Variants in IL1RAP observed in about 807,000 individuals in gnomAD.
IL1RAP encodes interleukin 1 receptor accessory protein, also known as interleukin-1 receptor accessory protein.
In IL1RAP, 35 loss-of-function variants were observed where a neutral mutation model predicts 60.7. The observed-to-expected ratio is 0.58, with a 90% CI of 0.44 to 0.76. The LOEUF is 0.76. Ranked by LOEUF, IL1RAP falls within the 30% of genes least tolerant of loss-of-function variation. The pLI is 0.00. For missense variants in IL1RAP, 572 were observed against 693.9 expected (o/e 0.82, Z 1.97); for synonymous variants, 268 against 250.9 (o/e 1.07, Z -0.64).
intron 3 of IL1RAP, among the ~76,000 whole-genome samples, chr3:190,581,239 A>G (rs1301239373): frequency 6.6e-6 from 1 of 152,216 alleles, no homozygotes; most frequent in Non-Finnish European, 1.5e-5. Flanking sequence ...TGGTTTCCGT[A>G]TGACTCTCAG....
downstream of IL1RAP, chr3:190,655,786 C>T (rs1251797075): frequency 2.5e-6 from 2 of 816,064 alleles, no homozygotes; most frequent in African/African-American, 3.4e-5. Flanking sequence ...TCTGTCATCT[C>T]AAGTGTTTGT....
rs1347857907 is a variant in IL1RAP at position 190,542,343 on chromosome 3, C to T, written c.-88-13787C>T. Among the ~76,000 whole-genome samples, 8 of 152,138 alleles carry T rather than the reference C, an allele frequency of 5.3e-5. No individual in the cohort carries two copies. In the South Asian group the frequency reaches 6.2e-4, roughly 12 times the overall value. ...AAATGAAGCTTTGCTATTTGATTGT[C>T]GTGATAGCTTGAGTTAGACACTTCA... On this transcript the variant is annotated intron_variant, in intron 1 of 11. Coordinates refer to ENST00000447382, the MANE Select transcript of IL1RAP (RefSeq NM_002182.4).
At chr3:190,607,788 T>C (rs1730470084) in intron 4 of IL1RAP, among the ~76,000 whole-genome samples, 2 of 152,224 alleles carry the variant, frequency 1.3e-5, no homozygotes, top group South Asian at 4.1e-4. Flanking sequence ...TTGGAATGAT[T>C]GTACCACAGG....
chr3:190,565,981 C>G (rs1002965027), intron 3 of IL1RAP, among the ~76,000 whole-genome samples: 1 of 151,750 alleles, frequency 6.6e-6, no homozygotes, highest in Non-Finnish European at 1.5e-5. Flanking sequence ...CTCCCTCTTC[C>G]TCTTCTCTTG....
At position 190,651,196 on chromosome 3, in the gene IL1RAP, A is replaced by G. The variant is rs1283856066; in HGVS notation, c.*2491A>G. On this transcript the variant is annotated 3_prime_UTR_variant, in exon 12 of 12. Transcript: ENST00000447382. The stretch of plus-strand genomic sequence containing the variant: ...TTAAAAAAAATTAATGGTTTTAAAT[A>G]TATGCTATAGGGACGTTCCATGCCC... 2 of 981,580 alleles carry G rather than the reference A, an allele frequency of 2.0e-6. No homozygotes were observed. Among genetic ancestry groups the G allele is most frequent in the Non-Finnish European group, 2.4e-6 (2 of 826,576 alleles). The allele number at this position is 981,580 out of a possible 1,614,324, so 60.8% of individuals were successfully genotyped here. A position where few individuals can be genotyped will look rare whatever the true frequency, so the allele number is the denominator to read the frequency against.
chr3:190,612,772 GA>G (rs1461640099), intron 5 of IL1RAP, among the ~76,000 whole-genome samples: 3 of 152,088 alleles, frequency 2.0e-5, no homozygotes, highest in Non-Finnish European at 4.4e-5. Flanking sequence ...TCATAAAGTG[GA>G]AAAATCATAA....
chr3:190,634,719 G>GTTT (rs1733070414), intron 9 of IL1RAP, among the ~76,000 whole-genome samples: 1 of 128,442 alleles, frequency 7.8e-6, no homozygotes, highest in Admixed American at 7.8e-5. Flanking sequence ...TTTTTTTTTT[G>GTTT]TTGTTGTTTT....
intron 5 of IL1RAP, among the ~76,000 whole-genome samples, chr3:190,619,675 A>C (rs573647705): frequency 1.1e-4 from 16 of 151,952 alleles, no homozygotes; most frequent in African/African-American, 3.9e-4. Context: ...CAATGAGCTG[A>C]GATCACGCCA....
At chr3:190,586,129 C>G (rs1288498465) in intron 3 of IL1RAP, among the ~76,000 whole-genome samples, 2 of 152,184 alleles carry the variant, frequency 1.3e-5, no homozygotes, top group Admixed American at 1.3e-4. Context: ...TGTCACCCAT[C>G]TTGAAGTCCG....
At chr3:190,560,851 C>T (rs1056141858) in intron 2 of IL1RAP, among the ~76,000 whole-genome samples, 3 of 152,016 alleles carry the variant, frequency 2.0e-5, no homozygotes, top group Admixed American at 6.5e-5. Flanking sequence ...ACATTGTCGT[C>T]GATTACAGAG....
intron 3 of IL1RAP, among the ~76,000 whole-genome samples, chr3:190,587,449 C>T (rs1000342968): frequency 6.6e-6 from 1 of 152,136 alleles, no homozygotes; most frequent in African/African-American, 2.4e-5. Context: ...ACTGGTAGTT[C>T]CTATGGTGGT....
chr3:190,527,224 T>C (rs1722584326), intron 1 of IL1RAP, among the ~76,000 whole-genome samples: 1 of 152,220 alleles, frequency 6.6e-6, no homozygotes, highest in Admixed American at 6.5e-5. Flanking sequence ...TAGGACCTAA[T>C]ATTGATCCTG....
intron 3 of IL1RAP, among the ~76,000 whole-genome samples, chr3:190,574,266 T>A (rs959061559): frequency 1.3e-5 from 2 of 152,098 alleles, no homozygotes; most frequent in African/African-American, 4.8e-5. Flanking sequence ...TCCTGAAACA[T>A]ATACAGTACA....
Position 190,620,377 on chromosome 3 carries a change from G to C in IL1RAP, c.640G>C (p.Val214Leu). The stretch of plus-strand genomic sequence containing the variant: ...AAATAATGGAAATTACACATGTGTT[G>C]TTACATATCCAGAAAATGGACGTAC... ...ISNNGNYTCVVTYPENGRTFH... is the reference protein window; with the variant it reads ...ISNNGNYTCVLTYPENGRTFH... The change falls in exon 6 of 12, where the codon GTT (valine) becomes CTT (leucine). Residue 214 changes from valine (V) to leucine (L), a missense_variant. Coordinates refer to ENST00000447382, the MANE Select transcript of IL1RAP (RefSeq NM_002182.4). 2 of 1,612,312 alleles carry C rather than the reference G, an allele frequency of 1.2e-6. No homozygotes were observed. Among genetic ancestry groups the C allele is most frequent in the Non-Finnish European group, 1.7e-6 (2 of 1,179,318 alleles).
At chr3:190,524,518 G>A (rs1722344621) in intron 1 of IL1RAP, among the ~76,000 whole-genome samples, 1 of 152,156 alleles carries the variant, frequency 6.6e-6, no homozygotes, top group African/African-American at 2.4e-5. Flanking sequence ...ATGATGTAAG[G>A]AAGGGGTTCA....
chr3:190,638,987 T>C (rs1350544964), intron 9 of IL1RAP, among the ~76,000 whole-genome samples: 1 of 152,140 alleles, frequency 6.6e-6, no homozygotes, highest in Non-Finnish European at 1.5e-5. Context: ...GCTGCTGTTG[T>C]TCTTGTTTAT....
In IL1RAP at chr3:190,530,900, A is replaced by G. The variant is rs148130933; in HGVS notation, c.-89+16681A>G. 3.9e-5 allele frequency among the ~76,000 whole-genome samples: 6 copies of G among 152,266 alleles called. No individual in the cohort carries two copies. In the East Asian group the frequency reaches 9.6e-4, roughly 24 times the overall value. On this transcript the variant is annotated intron_variant, in intron 1 of 11. Transcript: ENST00000447382. ...CAAGGTCAGTTTTATCTGAATTATT[A>G]CAAGTGAAAAAACTGAAGCTCAGAG...
chr3:190,520,466 C>T (rs1329231216), intron 1 of IL1RAP: 1 of 152,104 alleles, frequency 6.6e-6, no homozygotes, highest in Non-Finnish European at 1.5e-5. Flanking sequence ...GATGGGAAAA[C>T]CCATTTCTGT....
intron 2 of IL1RAP, among the ~76,000 whole-genome samples, chr3:190,560,582 A>C (rs1349946543): frequency 6.6e-6 from 1 of 152,180 alleles, no homozygotes; most frequent in African/African-American, 2.4e-5. Context: ...CTGAGGGACA[A>C]ATCCAGTCCT....
Sources: allele counts gnomAD v4.1 joint callset (sites outside exome capture counted in the v4.1 genomes callset), GRCh38; gene constraint gnomAD v4.1.1; transcripts MANE v1.5; gene names NCBI Gene and HGNC (gene_info 2026-07-23, HGNC 2026-07-21).